Variants in DNA2 observed in about 807,000 individuals in gnomAD.
The protein encoded by DNA2 is DNA replication helicase/nuclease 2, also known as DNA replication ATP-dependent helicase/nuclease DNA2.
A neutral mutation model predicts 119.1 loss-of-function variants in DNA2; 101 were observed. That is an observed-to-expected ratio of 0.85 (90% CI 0.72 to 1.00). The LOEUF (loss-of-function observed/expected upper bound fraction) is 1.00, where lower values mean the gene tolerates loss of function less well. Ranked by LOEUF, DNA2 falls within the 50% of genes least tolerant of loss-of-function variation. The pLI is 0.00. For synonymous variants in DNA2, 366 were observed against 424.4 expected, an observed-to-expected ratio of 0.86 and a Z score of 1.69; for missense variants, 1,121 against 1,255.5, an observed-to-expected ratio of 0.89 and a Z score of 1.62.
At chr10:68,442,436 G>A (rs1037420758) in intron 9 of DNA2, among the ~76,000 whole-genome samples, 1 of 151,352 alleles carries the variant, frequency 6.6e-6, no homozygotes, top group Non-Finnish European at 1.5e-5. Context: ...GCCCAGGCTG[G>A]AGTGCAATGG....
At chr10:68,456,016 GA>G in intron 5 of DNA2, among the ~76,000 whole-genome samples, 1 of 152,006 alleles carries the variant, frequency 6.6e-6, no homozygotes, top group Non-Finnish European at 1.5e-5. Context: ...CCAGGAGTTC[GA>G]GACTAGCCAT....
rs141303045 is a variant in DNA2 at position 68,462,142 on chromosome 10, G to A, written c.588-2907C>T. On this transcript the variant is annotated intron_variant, in intron 4 of 20. Transcript: ENST00000358410. The stretch of plus-strand genomic sequence containing the variant: ...TCCCAACACTTTGGGAAGCCAAGAC[G>A]AGTGGATCACTTGAGGTCAGGAGTT... Among the ~76,000 whole-genome samples the A allele has an allele frequency of 2.6e-3, 393 of 152,224 alleles. 4 individuals are homozygous for A. The highest frequency in any genetic ancestry group is 8.7e-3 in the African/African-American group (363 of 41,534).
intron 20 of DNA2, among the ~76,000 whole-genome samples, chr10:68,415,693 G>T (rs947304961): frequency 6.6e-6 from 1 of 151,796 alleles, no homozygotes; most frequent in Non-Finnish European, 1.5e-5. Context: ...TTTTGAGACG[G>T]AGTCTCGCTC....
intron 1 of DNA2, among the ~76,000 whole-genome samples, chr10:68,471,093 A>C (rs1430427832): frequency 2.0e-5 from 3 of 152,228 alleles, no homozygotes; most frequent in Non-Finnish European, 2.9e-5. Flanking sequence ...CTGAGGCATC[A>C]GTGAGGGACC....
rs7905817 is a variant in DNA2, at chr10:68,437,924, C to A, written c.1416-683G>T. ...ACAGGGTTTCACCATGTTGGCCAGG[C>A]TGGATTCGGACCCCTGGACTCAAGT... On this transcript the variant is annotated intron_variant, in intron 9 of 20. Transcript: ENST00000358410. 6.8e-3 allele frequency among the ~76,000 whole-genome samples: 1,035 copies of A among 152,160 alleles called. 5 individuals carry two copies. Among genetic ancestry groups the A allele is most frequent in the African/African-American group, 0.023 (964 of 41,538 alleles).
chr10:68,439,448 C>A (rs1009341352), intron 9 of DNA2, among the ~76,000 whole-genome samples: 2 of 152,054 alleles, frequency 1.3e-5, no homozygotes, highest in African/African-American at 4.8e-5. Context: ...CGCTTGTAAT[C>A]CCAGCACTCT....
intron 14 of DNA2, among the ~76,000 whole-genome samples, chr10:68,428,915 T>C (rs1365181189): frequency 1.3e-5 from 2 of 152,096 alleles, no homozygotes; most frequent in African/African-American, 2.4e-5. Flanking sequence ...GGGTGTGACA[T>C]TGTACTACAG....
At chr10:68,448,444 A>C (rs2052070616) in intron 6 of DNA2, among the ~76,000 whole-genome samples, 2 of 152,230 alleles carry the variant, frequency 1.3e-5, no homozygotes, top group Admixed American at 1.3e-4. Context: ...AAAAAGTCAA[A>C]TCTTTTAAGT....
chr10:68,416,954 T>A, intron 19 of DNA2, 99 bp from the exon 20 acceptor site: 1 of 1,053,884 alleles, frequency 9.5e-7, no homozygotes, highest in Admixed American at 2.7e-5. Flanking sequence ...AATTTAAGAA[T>A]AGAATGAGGC....
intron 4 of DNA2, among the ~76,000 whole-genome samples, chr10:68,462,790 T>C (rs2052276224): frequency 6.6e-6 from 1 of 152,132 alleles, no homozygotes; most frequent in South Asian, 2.1e-4. Flanking sequence ...GTCTGAGGAT[T>C]AAATAGAACA....
chr10:68,438,411 C>T (rs1043166488), intron 9 of DNA2, among the ~76,000 whole-genome samples: 37 of 150,856 alleles, frequency 2.5e-4, no homozygotes, highest in African/African-American at 7.8e-4. Context: ...CCCAGCTACT[C>T]GGGAGGCAGA....
At chr10:68,440,520 A>G (rs1200049042) in intron 9 of DNA2, among the ~76,000 whole-genome samples, 1 of 151,866 alleles carries the variant, frequency 6.6e-6, no homozygotes, top group Non-Finnish European at 1.5e-5. Context: ...CATGGTCTCA[A>G]TATCCTGACC....
chr10:68,470,347 T>A, intron 1 of DNA2, 184 bp from the exon 2 acceptor site: 1 of 544,368 alleles, frequency 1.8e-6, no homozygotes, highest in Non-Finnish European at 3.2e-6. Flanking sequence ...ATTCCTATTA[T>A]AAAAACTTCC....
rs756256400 is a variant in DNA2 at position 68,437,260 on chromosome 10, G to GA, written c.1416-20dup. 1.9e-6 allele frequency: 3 copies of GA among 1,565,826 alleles called. No homozygotes were observed. Among genetic ancestry groups the GA allele is most frequent in the East Asian group, 2.3e-5 (1 of 44,192 alleles). On this transcript the variant is annotated intron_variant, in intron 9 of 20. Coordinates refer to ENST00000358410, the MANE Select transcript of DNA2 (RefSeq NM_001080449.3). ...CTTCTCCCTATGAAAAGACCAAAGA[G>GA]AAAAAAACTTCTGTTTATATTACAT...
intron 4 of DNA2, among the ~76,000 whole-genome samples, chr10:68,460,030 T>TACACACACACAC (rs150226727): frequency 0.01 from 1,481 of 145,660 alleles, 15 homozygotes; most frequent in Middle Eastern, 0.028. Context: ...CCATCACAAA[T>TACACACACACAC]ACACACACAC....
intron 14 of DNA2, among the ~76,000 whole-genome samples, chr10:68,429,711 CA>C (rs1165329779): frequency 0.19 from 7,641 of 39,770 alleles, 95 homozygotes; most frequent in South Asian, 0.36. Flanking sequence ...GACTCCATCT[CA>C]AAAAAAAAAA....
intron 17 of DNA2, among the ~76,000 whole-genome samples, chr10:68,421,646 G>C (rs937770568): frequency 6.6e-6 from 1 of 151,014 alleles, no homozygotes; most frequent in Admixed American, 6.6e-5. Context: ...CCAGCTACTT[G>C]GGTGGCTGAG....
chr10:68,415,701 C>T (rs1224718670), intron 20 of DNA2, among the ~76,000 whole-genome samples: 5 of 151,938 alleles, frequency 3.3e-5, no homozygotes, highest in Admixed American at 6.6e-5. Flanking sequence ...CGGAGTCTCG[C>T]TCTGCCACCA....
Position 68,442,830 on chromosome 10 carries a change from T to C in DNA2, c.1415+87A>G, listed in dbSNP as rs1215824602. ...ATCACGTTATCTATAACATGCTTCA[T>C]AACTTGTATTTGTCATAAATTCCAA... On this transcript the variant is annotated intron_variant, in intron 9 of 20. Coordinates refer to ENST00000358410, the MANE Select transcript of DNA2 (RefSeq NM_001080449.3). The C allele has an allele frequency of 4.5e-6, 5 of 1,116,730 alleles. No homozygotes were observed. The East Asian group carries it at 1.2e-4, about 28-fold the overall frequency. The allele number at this position is 1,116,730 out of a possible 1,614,324, so 69.2% of individuals were successfully genotyped here.
Sources: allele counts gnomAD v4.1 joint callset (sites outside exome capture counted in the v4.1 genomes callset), GRCh38; gene constraint gnomAD v4.1.1; transcripts MANE v1.5; gene names NCBI Gene and HGNC (gene_info 2026-07-23, HGNC 2026-07-21).